LYPLA1: variants seen among roughly 807,000 people sequenced by gnomAD.
LYPLA1 encodes acyl-protein thioesterase 1.
In LYPLA1, 17 loss-of-function variants were observed where a neutral mutation model predicts 34.0. That is an observed-to-expected ratio of 0.50 (90% CI 0.34 to 0.75). The LOEUF (loss-of-function observed/expected upper bound fraction) is 0.75, where lower values mean the gene tolerates loss of function less well. Among genes scored for constraint, LYPLA1 ranks in the 30% least tolerant of loss-of-function variants. The probability of loss-of-function intolerance (pLI) is 0.01; values close to 1 mark genes in which losing one functional copy is unlikely to be tolerated. For synonymous variants in LYPLA1, 98 were observed against 100.8 expected (o/e 0.97, Z 0.17); for missense variants, 203 against 288.8 (o/e 0.70, Z 2.15).
intron 2 of LYPLA1, among the ~76,000 whole-genome samples, chr8:54,086,296 G>A (rs548729774): frequency 6.6e-5 from 10 of 151,526 alleles, no homozygotes; most frequent in East Asian, 3.9e-4. Flanking sequence ...TGAGGAAGGC[G>A]GCAGGGCCCT....
At chr8:54,074,511 C>T (rs929882981) in intron 2 of LYPLA1, among the ~76,000 whole-genome samples, 1 of 152,368 alleles carries the variant, frequency 6.6e-6, no homozygotes, top group Admixed American at 6.5e-5. Flanking sequence ...ACATCACCCA[C>T]ATTAGGGCTC....
At chr8:54,099,169 C>T (rs1345538422) in intron 2 of LYPLA1, among the ~76,000 whole-genome samples, 1 of 151,346 alleles carries the variant, frequency 6.6e-6, no homozygotes, top group Non-Finnish European at 1.5e-5. Context: ...CATAGAAGTG[C>T]TCATTATTGG....
chr8:54,101,630 C>A, intron 1 of LYPLA1, 125 bp downstream of exon 1: 1 of 1,150,492 alleles, frequency 8.7e-7, no homozygotes, highest in Non-Finnish European at 1.1e-6. Context: ...TCGCACCCCA[C>A]CCGGGCCGGG....
intron 2 of LYPLA1, among the ~76,000 whole-genome samples, chr8:54,084,137 A>AT (rs1563642470): frequency 6.2e-4 from 74 of 120,114 alleles, no homozygotes; most frequent in African/African-American, 3.0e-3. Flanking sequence ...AAAAAAAATA[A>AT]ATAAATATAT....
rs77357316 is a variant in LYPLA1, at chr8:54,049,793, T to C, written c.639+1219A>G. Reference sequence around the variant, plus strand: ...TTTACCAAAACTTTTTTAAAAGGTCTATACATGTTGCCTCTGCTTCCTCAT... The same window carrying C: ...TTTACCAAAACTTTTTTAAAAGGTCCATACATGTTGCCTCTGCTTCCTCAT... On this transcript the variant is annotated intron_variant, in intron 8 of 8. Coordinates refer to ENST00000316963, the MANE Select transcript of LYPLA1 (RefSeq NM_006330.4). 2.6e-5 allele frequency among the ~76,000 whole-genome samples: 4 copies of C among 152,326 alleles called. No homozygotes were observed. The East Asian group carries it at 7.7e-4, about 29-fold the overall frequency.
chr8:54,056,675 G>A (rs1460427569), intron 5 of LYPLA1, among the ~76,000 whole-genome samples: 2 of 152,180 alleles, frequency 1.3e-5, no homozygotes, highest in Non-Finnish European at 2.9e-5. Context: ...AGCACTTTGG[G>A]AGACCGAGGA....
chr8:54,082,412 T>A (rs572740599), intron 2 of LYPLA1, among the ~76,000 whole-genome samples: 1 of 151,210 alleles, frequency 6.6e-6, no homozygotes, highest in Non-Finnish European at 1.5e-5. Flanking sequence ...ATCCTTTTTT[T>A]AAAAAAAGAA....
At chr8:54,044,221 G>A (rs960017708), downstream of LYPLA1, among the ~76,000 whole-genome samples, 1 of 152,056 alleles carries the variant, frequency 6.6e-6, no homozygotes, top group African/African-American at 2.4e-5. Context: ...CGGGTCACCT[G>A]GTATTCAGCT....
chr8:54,072,851 G>A (rs983848293), intron 2 of LYPLA1, among the ~76,000 whole-genome samples: 99 of 150,986 alleles, frequency 6.6e-4, no homozygotes, highest in African/African-American at 2.2e-3. Context: ...GTGGTGGTGC[G>A]TGCCTGTAGT....
intron 2 of LYPLA1, among the ~76,000 whole-genome samples, chr8:54,092,993 T>C (rs1809423332): frequency 6.6e-6 from 1 of 152,220 alleles, no homozygotes; most frequent in Admixed American, 6.5e-5. Flanking sequence ...GTTATTCTTA[T>C]GAACTCTCCT....
At chr8:54,091,754 C>T (rs1809299054) in intron 2 of LYPLA1, among the ~76,000 whole-genome samples, 1 of 151,982 alleles carries the variant, frequency 6.6e-6, no homozygotes, top group Non-Finnish European at 1.5e-5. Flanking sequence ...AAGTGTGATC[C>T]CCAGACCTGT....
At chr8:54,088,009 T>C (rs1253441506) in intron 2 of LYPLA1, among the ~76,000 whole-genome samples, 1 of 152,146 alleles carries the variant, frequency 6.6e-6, no homozygotes, top group Non-Finnish European at 1.5e-5. Flanking sequence ...AACTTAGAAC[T>C]TTTTAAAAGA....
intron 2 of LYPLA1, chr8:54,100,635 G>T: frequency 2.4e-6 from 1 of 413,014 alleles, no homozygotes; most frequent in Non-Finnish European, 4.4e-6. Flanking sequence ...AACATTCCAC[G>T]GATCTCTGGT....
chr8:54,051,728 C>T (rs1805855572), intron 7 of LYPLA1, among the ~76,000 whole-genome samples: 2 of 152,272 alleles, frequency 1.3e-5, no homozygotes, highest in South Asian at 4.1e-4. Context: ...GGATTACAGG[C>T]GTGAGCCACT....
chr8:54,050,833 C>T (rs1805790914), intron 8 of LYPLA1, among the ~76,000 whole-genome samples, 179 bp downstream of exon 8: 1 of 152,022 alleles, frequency 6.6e-6, no homozygotes. Context: ...TGTATAATAG[C>T]CAATCAGTAA....
chr8:54,087,248 T>C (rs1440615330), intron 2 of LYPLA1, among the ~76,000 whole-genome samples: 2 of 152,118 alleles, frequency 1.3e-5, no homozygotes, highest in Non-Finnish European at 2.9e-5. Context: ...CAATGAACAA[T>C]ATAAAAATGT....
intron 2 of LYPLA1, among the ~76,000 whole-genome samples, chr8:54,098,328 G>A (rs1809848447): frequency 6.6e-6 from 1 of 152,124 alleles, no homozygotes; most frequent in South Asian, 2.1e-4. Flanking sequence ...GCTAGGTAAA[G>A]GAATGATTCG....
At chr8:54,053,307 T>C (rs1186809687) in intron 6 of LYPLA1, 2 of 238,696 alleles carry the variant, frequency 8.4e-6, no homozygotes, top group Non-Finnish European at 1.7e-5. Flanking sequence ...TTGGTTAGGC[T>C]GGTCTCAAAC....
intron 2 of LYPLA1, among the ~76,000 whole-genome samples, chr8:54,072,421 A>G (rs192036394): frequency 1.5e-3 from 227 of 152,338 alleles, no homozygotes; most frequent in African/African-American, 4.2e-3. Context: ...TTGCACAGCA[A>G]AAGAAACTAT....
Sources: gnomAD v4.1 joint callset for allele counts (sites outside exome capture counted in the v4.1 genomes callset) on GRCh38, gnomAD v4.1.1 for gene constraint, MANE v1.5 for transcripts, NCBI Gene and HGNC (gene_info 2026-07-23, HGNC 2026-07-21) for gene names.